ARFIP1: variants seen among roughly 807,000 people sequenced by gnomAD.
The protein encoded by ARFIP1 is arfaptin-1.
A neutral mutation model predicts 42.5 loss-of-function variants in ARFIP1; 24 were observed. The ratio of observed to expected loss-of-function variants is 0.57; its 90% CI spans 0.41 to 0.80. The LOEUF is 0.80. Ranked by LOEUF, ARFIP1 falls within the 30% of genes least tolerant of loss-of-function variation. The pLI is 0.00. For synonymous variants in ARFIP1, 141 were observed against 153.7 expected, an observed-to-expected ratio of 0.92 and a Z score of 0.61; for missense variants, 354 against 434.0, an observed-to-expected ratio of 0.82 and a Z score of 1.64.
intron 5 of ARFIP1, among the ~76,000 whole-genome samples, chr4:152,874,576 A>G (rs763029733): frequency 1.3e-5 from 2 of 152,166 alleles, no homozygotes; most frequent in African/African-American, 4.8e-5. Flanking sequence ...AATTTTAGCT[A>G]ATGTTGGGCA....
chr4:152,863,835 T>A (rs538185445), intron 3 of ARFIP1, 121 bp downstream of exon 3: 2 of 579,584 alleles, frequency 3.5e-6, no homozygotes, highest in Admixed American at 3.4e-5. Flanking sequence ...AAACATTGAT[T>A]ATAAATGTAT....
At chr4:152,817,589 A>T (rs1382523344) in intron 1 of ARFIP1, among the ~76,000 whole-genome samples, 1 of 152,240 alleles carries the variant, frequency 6.6e-6, no homozygotes, top group African/African-American at 2.4e-5. Flanking sequence ...AAGCAACAAA[A>T]GTAAAAATAG....
intron 1 of ARFIP1, among the ~76,000 whole-genome samples, chr4:152,825,311 G>T (rs767703473): frequency 6.6e-6 from 1 of 152,006 alleles, no homozygotes; most frequent in African/African-American, 2.4e-5. Context: ...ATACTATAAG[G>T]CTATAGTAAA....
chr4:152,805,747 C>T (rs1728948008), intron 1 of ARFIP1, among the ~76,000 whole-genome samples: 1 of 152,062 alleles, frequency 6.6e-6, no homozygotes, highest in South Asian at 2.1e-4. Flanking sequence ...TATTTTGTGC[C>T]ACAACAATGC....
chr4:152,789,397 C>T (rs1731014892), intron 1 of ARFIP1, among the ~76,000 whole-genome samples: 1 of 152,072 alleles, frequency 6.6e-6, no homozygotes, highest in Non-Finnish European at 1.5e-5. Context: ...GCCAAGAATA[C>T]AAACTATTAA....
rs141860697 is a variant in ARFIP1 at position 152,833,242 on chromosome 4, C to CAA, written c.93+3530_93+3531dup. On this transcript the variant is annotated intron_variant, in intron 2 of 8. Transcript: ENST00000353617. ...ACTGGGGATTTGAGTAGACATTTTT[C>CAA]AAAAAAAAAAAAAAAGTACAAATGG... 4.1e-3 allele frequency among the ~76,000 whole-genome samples: 556 copies of CAA among 136,294 alleles called. 5 individuals are homozygous for CAA. Among genetic ancestry groups the CAA allele is most frequent in the South Asian group, 0.011 (49 of 4,284 alleles). 89.4% of individuals were successfully genotyped at this position (136,294 alleles called of 152,430 possible). A position where few individuals can be genotyped will look rare whatever the true frequency, so the allele number is the denominator to read the frequency against.
At chr4:152,874,060 C>CT (rs1379019516) in intron 5 of ARFIP1, among the ~76,000 whole-genome samples, 1 of 152,130 alleles carries the variant, frequency 6.6e-6, no homozygotes, top group Non-Finnish European at 1.5e-5. Flanking sequence ...CAAGTTTAAG[C>CT]TTTTTGTTCA....
intron 1 of ARFIP1, among the ~76,000 whole-genome samples, chr4:152,793,168 T>C (rs1050509007): frequency 3.3e-5 from 5 of 151,998 alleles, no homozygotes; most frequent in Non-Finnish European, 7.4e-5. Context: ...TCTTAAGTCT[T>C]GTTACTCCCA....
At chr4:152,834,455 T>C (rs1731489314) in intron 2 of ARFIP1, among the ~76,000 whole-genome samples, 1 of 152,226 alleles carries the variant, frequency 6.6e-6, no homozygotes, top group African/African-American at 2.4e-5. Flanking sequence ...ACTCCCAAGA[T>C]ACAATGGTAG....
intron 1 of ARFIP1, among the ~76,000 whole-genome samples, chr4:152,804,485 T>A (rs1164643287): frequency 2.1e-5 from 2 of 95,556 alleles, no homozygotes; most frequent in Admixed American, 3.5e-4. Context: ...TAATATATAT[T>A]ATTTATATAT....
At chr4:152,826,259 T>G (rs1437594320) in intron 1 of ARFIP1, among the ~76,000 whole-genome samples, 1 of 152,156 alleles carries the variant, frequency 6.6e-6, no homozygotes, top group African/African-American at 2.4e-5. Context: ...AAAATGGGGT[T>G]TATATATACC....
intron 8 of ARFIP1, among the ~76,000 whole-genome samples, chr4:152,904,198 A>ATATATATAT (rs36085096): frequency 8.7e-5 from 11 of 126,686 alleles, no homozygotes; most frequent in African/African-American, 3.6e-4. Context: ...ATATATATAT[A>ATATATATAT]TTTTTTTTTT....
chr4:152,875,832 A>G (rs1735284334), intron 5 of ARFIP1, among the ~76,000 whole-genome samples: 1 of 151,554 alleles, frequency 6.6e-6, no homozygotes, highest in Non-Finnish European at 1.5e-5. Context: ...GAGTTGTGGG[A>G]GGGACCTAAG....
At chr4:152,889,973 CAT>C (rs1009780237) in intron 8 of ARFIP1, among the ~76,000 whole-genome samples, 8 of 143,966 alleles carry the variant, frequency 5.6e-5, no homozygotes, top group Admixed American at 1.4e-4. Context: ...ATATTTTAGT[CAT>C]ATATATTTAG....
intron 2 of ARFIP1, among the ~76,000 whole-genome samples, chr4:152,848,042 C>T (rs1196108283): frequency 1.3e-5 from 2 of 152,186 alleles, no homozygotes; most frequent in Non-Finnish European, 1.5e-5. Context: ...TCTTAAGAAC[C>T]CCCCACCTGT....
intron 7 of ARFIP1, 96 bp from the exon 8 acceptor site, chr4:152,888,037 G>A (rs2149896910): frequency 1.2e-6 from 1 of 828,796 alleles, no homozygotes; most frequent in South Asian, 2.6e-5. Context: ...ATATTTTATT[G>A]TATAGTATGA....
chr4:152,881,988 G>A lies in ARFIP1; in HGVS notation c.634-735G>A, dbSNP rs1735884407. ...AATTAAATGATACATCTTAGAATAT[G>A]TGATCGGTTTTTTATTTGGTTAGGT... On this transcript the variant is annotated intron_variant, in intron 6 of 8. Coordinates refer to ENST00000353617, the MANE Select transcript of ARFIP1 (RefSeq NM_001025595.3). Among the ~76,000 whole-genome samples the A allele has an allele frequency of 2.6e-5, 4 of 152,270 alleles. No individual in the cohort carries two copies. The South Asian group carries it at 8.3e-4, about 32-fold the overall frequency.
At chr4:152,880,937 A>G (rs748052903) in intron 5 of ARFIP1, 26 bp from the exon 6 acceptor site, 3 of 1,568,570 alleles carry the variant, frequency 1.9e-6, no homozygotes, top group Non-Finnish European at 2.6e-6. Context: ...TTTTCTTTCT[A>G]AACAAAATGC....
chr4:152,869,042 C>A (rs1168519210), intron 3 of ARFIP1, among the ~76,000 whole-genome samples: 1 of 152,144 alleles, frequency 6.6e-6, no homozygotes, highest in African/African-American at 2.4e-5. Context: ...AAATATCTCT[C>A]ATTTTGAAAG....
Sources: allele counts gnomAD v4.1 joint callset (sites outside exome capture counted in the v4.1 genomes callset), GRCh38; gene constraint gnomAD v4.1.1; transcripts MANE v1.5; gene names NCBI Gene and HGNC (gene_info 2026-07-23, HGNC 2026-07-21).